Variants in SCTR observed in about 807,000 individuals in gnomAD.
SCTR encodes secretin receptor.
Under a neutral mutation model 60.8 loss-of-function variants are expected in SCTR, and 56 were observed. The observed-to-expected ratio is 0.92, with a 90% CI of 0.74 to 1.15. SCTR has a LOEUF of 1.15. SCTR is among the 50% of genes most tolerant of loss of function. The pLI is 0.00. For missense variants in SCTR, 562 were observed against 550.4 expected, an observed-to-expected ratio of 1.02 and a Z score of -0.21; for synonymous variants, 202 against 217.0, an observed-to-expected ratio of 0.93 and a Z score of 0.61.
chr2:119,445,667 TA>T (rs1371186605), intron 11 of SCTR, among the ~76,000 whole-genome samples: 1 of 152,088 alleles, frequency 6.6e-6, no homozygotes, highest in Non-Finnish European at 1.5e-5. Context: ...CTAAGTCCTT[TA>T]AAAAAAACTA....
At chr2:119,483,895 C>T (rs2104867447) in intron 2 of SCTR, among the ~76,000 whole-genome samples, 1 of 152,072 alleles carries the variant, frequency 6.6e-6, no homozygotes, top group Middle Eastern at 3.4e-3. Flanking sequence ...TTGCACGGTC[C>T]CCAGGCTTTG....
intron 4 of SCTR, among the ~76,000 whole-genome samples, chr2:119,470,941 T>G (rs536132029): frequency 5.9e-5 from 9 of 152,318 alleles, no homozygotes; most frequent in South Asian, 4.1e-4. Flanking sequence ...CCTCAAGTGA[T>G]CCACCCGTCT....
intron 2 of SCTR, chr2:119,479,281 C>T (rs1677488232): frequency 9.9e-7 from 1 of 1,012,982 alleles, no homozygotes; most frequent in Non-Finnish European, 1.2e-6. Flanking sequence ...AACTAAGCAG[C>T]AATGGGTCTC....
chr2:119,505,039 A>G (rs35991747), intron 1 of SCTR, among the ~76,000 whole-genome samples: 83,320 of 151,806 alleles, frequency 0.55, 23,320 homozygotes, highest in East Asian at 0.86. Flanking sequence ...AACAGGTGCT[A>G]GAGAGGATGT....
At chr2:119,451,865 G>A (rs1365361417) in intron 9 of SCTR, 145 bp downstream of exon 9, 17 of 623,728 alleles carry the variant, frequency 2.7e-5, no homozygotes, top group Admixed American at 4.6e-5. Context: ...CACACCCCAC[G>A]CTGCTCACCA....
intron 3 of SCTR, chr2:119,476,351 C>T (rs1319043057): frequency 6.6e-6 from 1 of 152,254 alleles, no homozygotes; most frequent in East Asian, 1.9e-4. Context: ...GCCCCCACCA[C>T]CCTGGAGGGA....
chr2:119,446,455 G>A (rs1037399263), intron 11 of SCTR, among the ~76,000 whole-genome samples: 4 of 152,114 alleles, frequency 2.6e-5, no homozygotes, highest in Non-Finnish European at 5.9e-5. Context: ...CCGCGCTTAC[G>A]TTATTTTGAC....
chr2:119,448,763 GA>G lies in SCTR; in HGVS notation c.938del (p.Phe313SerfsTer2). The G allele has an allele frequency of 6.3e-7, 1 of 1,590,468 alleles. No individual in the cohort carries two copies. Among genetic ancestry groups the G allele is most frequent in the Non-Finnish European group, 8.6e-7 (1 of 1,158,594 alleles). On this transcript the variant is annotated frameshift_variant, in exon 10 of 13. Transcript: ENST00000019103. LOFTEE classifies it high-confidence loss of function. ...ILSILINFILFINILRILMRK... is the reference protein window; with the variant it reads ...ILSILINFILXINILRILMRK... ...TCATCAGGATTCTTAGAATGTTTAT[GA>G]AAAGGATGAAATTAATCTGCAAAAC...
chr2:119,481,797 A>T (rs527994456), intron 2 of SCTR, among the ~76,000 whole-genome samples: 1 of 152,252 alleles, frequency 6.6e-6, no homozygotes, highest in East Asian at 1.9e-4. Context: ...AAGGGACGCC[A>T]GCTGGAACCA....
chr2:119,513,757 A>G (rs1179987531), intron 1 of SCTR, among the ~76,000 whole-genome samples: 1 of 152,198 alleles, frequency 6.6e-6, no homozygotes, highest in Non-Finnish European at 1.5e-5. Context: ...TCTGAAGAGA[A>G]CGGCTTTCTG....
chr2:119,508,290 T>C (rs1678816762), intron 1 of SCTR, among the ~76,000 whole-genome samples: 1 of 152,032 alleles, frequency 6.6e-6, no homozygotes. Context: ...ACTAAACTTA[T>C]CCTGGAGTTT....
At chr2:119,452,511 G>A (rs1353160544) in intron 8 of SCTR, among the ~76,000 whole-genome samples, 2 of 152,146 alleles carry the variant, frequency 1.3e-5, no homozygotes, top group East Asian at 1.9e-4. Flanking sequence ...CAAGACAGCC[G>A]CAGCTCTGCT....
intron 1 of SCTR, among the ~76,000 whole-genome samples, chr2:119,511,608 G>A (rs182246331): frequency 4.6e-5 from 7 of 152,128 alleles, no homozygotes; most frequent in Admixed American, 1.3e-4. Flanking sequence ...TTTTTCCTCC[G>A]GATATTTCTG....
intron 8 of SCTR, among the ~76,000 whole-genome samples, chr2:119,452,555 G>A (rs568529393): frequency 1.7e-4 from 26 of 152,262 alleles, no homozygotes; most frequent in African/African-American, 2.9e-4. Flanking sequence ...AAAATGGAAC[G>A]TGTTAAAGGA....
chr2:119,473,578 T>G (rs1364302062), intron 3 of SCTR, 22 bp from the exon 4 acceptor site: 1 of 1,512,746 alleles, frequency 6.6e-7, no homozygotes, highest in Non-Finnish European at 9.2e-7. Context: ...AAGAGTCCTG[T>G]AGGTGAGCCA....
At chr2:119,473,309 TG>T in intron 4 of SCTR, 143 bp downstream of exon 4, 1 of 613,794 alleles carries the variant, frequency 1.6e-6, no homozygotes, top group Non-Finnish European at 2.9e-6. Context: ...GTAGGAGGCA[TG>T]GGGACAGGGG....
intron 2 of SCTR, 121 bp downstream of exon 2, chr2:119,494,307 G>C (rs188227277): frequency 2.7e-5 from 30 of 1,123,688 alleles, no homozygotes; most frequent in African/African-American, 4.7e-5. Flanking sequence ...GATTGTCTGA[G>C]TGAGAAAAGC....
chr2:119,462,115 G>C, intron 6 of SCTR, 115 bp from the exon 7 acceptor site: 1 of 953,334 alleles, frequency 1.0e-6, no homozygotes, highest in Non-Finnish European at 1.5e-6. Flanking sequence ...CCACAAGAGC[G>C]GGCCTCTGGG....
At chr2:119,487,121 GTAGATTAGTAA>G (rs1210514303) in intron 2 of SCTR, 1 of 152,222 alleles carries the variant, frequency 6.6e-6, no homozygotes. Context: ...GAGACAGAAA[GTAGATTAGTAA>G]TAGCCAGCGG....
Sources: allele counts gnomAD v4.1 joint callset (sites outside exome capture counted in the v4.1 genomes callset), GRCh38; gene constraint gnomAD v4.1.1; transcripts MANE v1.5; gene names NCBI Gene and HGNC (gene_info 2026-07-23, HGNC 2026-07-21).